The following SPATA13 variants were observed in gnomAD, a reference collection of about 807,000 sequenced individuals.
The protein encoded by SPATA13 is spermatogenesis-associated protein 13.
A neutral mutation model predicts 104.0 loss-of-function variants in SPATA13; 50 were observed. That is an observed-to-expected ratio of 0.48 (90% CI 0.38 to 0.61). SPATA13 has a LOEUF of 0.61. SPATA13 is among the 20% of genes least tolerant of loss of function. The probability of loss-of-function intolerance (pLI) is 0.00; values close to 1 mark genes in which losing one functional copy is unlikely to be tolerated. For synonymous variants in SPATA13, 606 were observed against 667.5 expected (o/e 0.91, Z 1.42); for missense variants, 1,524 against 1,690.6 (o/e 0.90, Z 1.73).
At position 24,238,132 on chromosome 13, in the gene SPATA13, C is replaced by CTTTTTT. The variant is rs66810619; in HGVS notation, c.1654-11328_1654-11323dup. On this transcript the variant is annotated intron_variant, in intron 2 of 12. Coordinates refer to ENST00000382108, the MANE Select transcript of SPATA13 (RefSeq NM_001166271.3). ...TCCAGCCCAAACCAGTTCTTCTTGA[C>CTTTTTT]TTTTTTTTTTTTTTTTTTTTTTGAG... Among the ~76,000 whole-genome samples the CTTTTTT allele has an allele frequency of 5.4e-4, 42 of 77,124 alleles. 1 individual carries two copies. The highest frequency in any genetic ancestry group is 1.2e-3 in the East Asian group (3 of 2,418). 50.6% of individuals were successfully genotyped at this position (77,124 alleles called of 152,430 possible).
intron 1 of SPATA13, among the ~76,000 whole-genome samples, chr13:24,196,540 G>T (rs1485762960): frequency 2.6e-5 from 4 of 152,106 alleles, no homozygotes; most frequent in African/African-American, 9.7e-5. Context: ...TTTGAGACCA[G>T]CCTGGGAAAT....
chr13:24,057,407 T>C (rs911535687), intron 3 of SPATA13, among the ~76,000 whole-genome samples: 3 of 152,106 alleles, frequency 2.0e-5, no homozygotes, highest in African/African-American at 7.2e-5. Flanking sequence ...TCACTTCTAG[T>C]GAGGTGGTTT....
Position 24,134,567 on chromosome 13 carries a change from G to GT in SPATA13, c.-111-88245dup, listed in dbSNP as rs5802264. Among the ~76,000 whole-genome samples, 22 of 152,230 alleles carry GT rather than the reference G, an allele frequency of 1.4e-4. No individual in the cohort carries two copies. In the East Asian group the frequency reaches 3.5e-3, roughly 24 times the overall value. On this transcript the variant is annotated intron_variant, in intron 3 of 14. Coordinates refer to the SPATA13 transcript ENST00000424834. ...TTCCAGGAGAGAGGAAAATTGGTTT[G>GT]TTTTTTTAGCACGGGGAGTAGCAGG...
intron 3 of SPATA13, among the ~76,000 whole-genome samples, chr13:24,146,374 G>A (rs1174107676): frequency 1.3e-5 from 2 of 152,160 alleles, no homozygotes; most frequent in Non-Finnish European, 2.9e-5. Context: ...CTCTCCCTGC[G>A]GCCAGGCCAG....
In SPATA13 at chr13:24,302,775, A is replaced by G; in HGVS notation, c.*2A>G. 1 of 1,614,150 alleles carries G rather than the reference A, an allele frequency of 6.2e-7. No homozygotes were observed. Among genetic ancestry groups the G allele is most frequent in the Non-Finnish European group, 8.5e-7 (1 of 1,180,034 alleles). ...AGGCTCACCCCCTTCCGGAAATGAA[A>G]ACAGGAGGCTGTGCTTCCATGGAGC... On this transcript the variant is annotated 3_prime_UTR_variant, in exon 13 of 13. Transcript: ENST00000382108.
chr13:24,114,734 C>G (rs1337741480), intron 3 of SPATA13, among the ~76,000 whole-genome samples: 1 of 152,120 alleles, frequency 6.6e-6, no homozygotes, highest in African/African-American at 2.4e-5. Flanking sequence ...ACGATCTTGG[C>G]TCACCACAAC....
At chr13:24,251,665 C>A (rs746269347) in intron 3 of SPATA13, 53 bp from the exon 4 acceptor site, 1 of 1,602,106 alleles carries the variant, frequency 6.2e-7, no homozygotes, top group Non-Finnish European at 8.5e-7. Context: ...GAGGTGCTTG[C>A]AAGAGCTGCC....
At chr13:23,995,227 A>G (rs1875622799) in intron 2 of SPATA13, among the ~76,000 whole-genome samples, 1 of 152,096 alleles carries the variant, frequency 6.6e-6, no homozygotes, top group African/African-American at 2.4e-5. Flanking sequence ...ATTATTTATC[A>G]TACTTAGCTG....
At chr13:24,017,190 C>T (rs1451546524) in intron 2 of SPATA13, among the ~76,000 whole-genome samples, 1 of 152,214 alleles carries the variant, frequency 6.6e-6, no homozygotes, top group South Asian at 2.1e-4. Context: ...TAACAGCATG[C>T]ATTTACACAT....
rs200701369 is a variant in SPATA13, at chr13:24,284,217, C to T, written c.2247C>T (p.Cys749=). 108 of 1,613,722 alleles carry T rather than the reference C, an allele frequency of 6.7e-5. 1 individual carries two copies. The East Asian group carries it at 2.3e-3, about 35-fold the overall frequency. ...SEEDFSYEDL[C]QASPRYLQPG... ...AGGACTTCAGCTATGAAGACCTCTG[C>T]CAGGCCAGCCCTCGGTACCTGCAGC... The change falls in exon 5 of 13, where the codon TGC becomes TGT. Residue 749 remains cysteine (C), a synonymous_variant. Transcript: ENST00000382108.
chr13:24,126,591 C>A (rs1460475387), intron 3 of SPATA13, among the ~76,000 whole-genome samples: 1 of 152,166 alleles, frequency 6.6e-6, no homozygotes, highest in African/African-American at 2.4e-5. Context: ...GAGACAGGTT[C>A]TGTCACTCAG....
rs769151875 is a variant in SPATA13 at position 24,251,684 on chromosome 13, G to C, written c.2020-34G>C. 14 of 1,610,650 alleles carry C rather than the reference G, an allele frequency of 8.7e-6. No individual in the cohort carries two copies. In the African/African-American group the frequency reaches 1.6e-4, roughly 18 times the overall value. The stretch of plus-strand genomic sequence containing the variant: ...TGCTTGCAAGAGCTGCCACTTCCTG[G>C]TACCTCCTCACAGATTTTGCTTTCT... On this transcript the variant is annotated intron_variant, in intron 3 of 12. Coordinates refer to ENST00000382108, the MANE Select transcript of SPATA13 (RefSeq NM_001166271.3).
chr13:24,109,715 C>T (rs751092666), intron 3 of SPATA13, among the ~76,000 whole-genome samples: 1 of 152,064 alleles, frequency 6.6e-6, no homozygotes, highest in Non-Finnish European at 1.5e-5. Context: ...CCTTTTGGAG[C>T]CTTTTTTGCC....
intron 3 of SPATA13, among the ~76,000 whole-genome samples, chr13:24,040,248 G>C (rs1310366202): frequency 2.0e-5 from 3 of 152,162 alleles, no homozygotes. Flanking sequence ...GACCTCCACT[G>C]AGTGCTCTCT....
At position 24,270,982 on chromosome 13, in the gene SPATA13, C is replaced by G. The variant is rs572129068; in HGVS notation, c.2165-13153C>G. 2.1e-5 allele frequency: 23 copies of G among 1,119,862 alleles called. No individual in the cohort carries two copies. The African/African-American group carries it at 2.9e-4, about 14-fold the overall frequency. 69.4% of individuals were successfully genotyped at this position (1,119,862 alleles called of 1,614,324 possible). On this transcript the variant is annotated intron_variant, in intron 4 of 12. Coordinates refer to ENST00000382108, the MANE Select transcript of SPATA13 (RefSeq NM_001166271.3). ...ATTCAGCTCTTTCCTTCCCAAGTTG[C>G]AGTTCTTCCCCTCTCTCTCTCTCTC...
chr13:24,070,152 G>T (rs982981885), intron 3 of SPATA13, among the ~76,000 whole-genome samples: 1 of 152,194 alleles, frequency 6.6e-6, no homozygotes, highest in Non-Finnish European at 1.5e-5. Context: ...GCAGATTGTG[G>T]ACTAAAACGG....
At chr13:24,081,320 T>C (rs1879508178) in intron 3 of SPATA13, among the ~76,000 whole-genome samples, 1 of 152,190 alleles carries the variant, frequency 6.6e-6, no homozygotes, top group South Asian at 2.1e-4. Context: ...CCTTCTCTTA[T>C]TTTATTTTAT....
intron 3 of SPATA13, among the ~76,000 whole-genome samples, chr13:24,113,194 G>A (rs1044149283): frequency 3.9e-5 from 6 of 152,202 alleles, no homozygotes; most frequent in African/African-American, 9.6e-5. Flanking sequence ...ATATCTGCAC[G>A]TGCCAAAGGA....
Position 24,080,221 on chromosome 13 carries a change from C to G in SPATA13, c.-112+62520C>G, listed in dbSNP as rs574548195. On this transcript the variant is annotated intron_variant, in intron 3 of 14. Transcript: ENST00000424834. ...TCTTCTCCTTCACATGACCGTATGTCAAAACAGCAGCGCCTAGAATCAAAT... is the reference window on the plus strand; with the variant it reads ...TCTTCTCCTTCACATGACCGTATGTGAAAACAGCAGCGCCTAGAATCAAAT... Among the ~76,000 whole-genome samples the G allele has an allele frequency of 3.3e-5, 5 of 152,304 alleles. No individual in the cohort carries two copies. In the South Asian group the frequency reaches 6.2e-4, roughly 19 times the overall value.
Sources: gnomAD v4.1 joint callset for allele counts (sites outside exome capture counted in the v4.1 genomes callset) on GRCh38, gnomAD v4.1.1 for gene constraint, MANE v1.5 for transcripts, NCBI Gene and HGNC (gene_info 2026-07-23, HGNC 2026-07-21) for gene names.